SCHIP1: variants seen among roughly 807,000 people sequenced by gnomAD.
The protein encoded by SCHIP1 is schwannomin interacting protein 1.
Under a neutral mutation model 29.7 loss-of-function variants are expected in SCHIP1, and 8 were observed. The ratio of observed to expected loss-of-function variants is 0.27; its 90% CI spans 0.16 to 0.49. SCHIP1 has a LOEUF of 0.49. Among genes scored for constraint, SCHIP1 ranks in the 20% least tolerant of loss-of-function variants. SCHIP1 has a pLI of 0.99. For synonymous variants in SCHIP1, 76 were observed against 94.9 expected (o/e 0.80, Z 1.16); for missense variants, 193 against 294.6 (o/e 0.66, Z 2.52).
chr3:159,315,396 T>TC, the SCHIP1 span, among the ~76,000 whole-genome samples: 2 of 71,938 alleles, frequency 2.8e-5, no homozygotes, highest in Non-Finnish European at 4.5e-5. Context: ...TTTCTTTCTT[T>TC]TTTTTTTTTT....
chr3:159,638,203 C>T, the SCHIP1 span, among the ~76,000 whole-genome samples: 1 of 152,254 alleles, frequency 6.6e-6, no homozygotes, highest in African/African-American at 2.4e-5. Flanking sequence ...TTTCCGTGTA[C>T]CTCAATTTTT....
At chr3:159,308,871 T>C in the SCHIP1 span, among the ~76,000 whole-genome samples, 1 of 152,148 alleles carries the variant, frequency 6.6e-6, no homozygotes, top group Non-Finnish European at 1.5e-5. Flanking sequence ...GCAACATGAA[T>C]GGAGCTGGAG....
the SCHIP1 span, among the ~76,000 whole-genome samples, chr3:159,295,866 A>G: frequency 6.6e-6 from 1 of 152,214 alleles, no homozygotes; most frequent in Non-Finnish European, 1.5e-5. Flanking sequence ...TTTGAATTGA[A>G]TTCACTTGCA....
the SCHIP1 span, among the ~76,000 whole-genome samples, chr3:159,472,594 C>A: frequency 6.6e-6 from 1 of 152,146 alleles, no homozygotes; most frequent in Non-Finnish European, 1.5e-5. Context: ...TCCAATCTTT[C>A]TGTAATATTC....
At chr3:159,534,120 T>C in the SCHIP1 span, among the ~76,000 whole-genome samples, 1 of 152,220 alleles carries the variant, frequency 6.6e-6, no homozygotes, top group African/African-American at 2.4e-5. Flanking sequence ...GTACATTCTG[T>C]TTATTTCATT....
chr3:159,867,559 T>C lies in SCHIP1; in HGVS notation c.149+1278T>C, dbSNP rs138198294. Among the ~76,000 whole-genome samples, 508 of 152,294 alleles carry C rather than the reference T, an allele frequency of 3.3e-3. 4 individuals carry two copies. Among genetic ancestry groups the C allele is most frequent in the African/African-American group, 0.012 (495 of 41,550 alleles). On this transcript the variant is annotated intron_variant, in intron 2 of 6. Coordinates refer to ENST00000445224, the Ensembl canonical transcript of SCHIP1. The stretch of plus-strand genomic sequence containing the variant: ...GAGTGCCAGTTTCACCAGACAGTGT[T>C]CCAGCATCTCTTCCTCTGCTGGGTG...
the SCHIP1 span, among the ~76,000 whole-genome samples, chr3:159,293,476 G>C: frequency 6.6e-6 from 1 of 152,194 alleles, no homozygotes; most frequent in Non-Finnish European, 1.5e-5. Context: ...ATATGGGTGA[G>C]AAGGTGGTAC....
chr3:159,720,207 A>C, the SCHIP1 span, among the ~76,000 whole-genome samples: 8 of 123,592 alleles, frequency 6.5e-5, no homozygotes, highest in South Asian at 2.9e-4. Context: ...GGTGGGGAAC[A>C]TCACACACCG....
chr3:159,733,133 T>C, the SCHIP1 span, among the ~76,000 whole-genome samples: 2 of 152,180 alleles, frequency 1.3e-5, no homozygotes, highest in Non-Finnish European at 2.9e-5. Flanking sequence ...ACATCTCAGA[T>C]TTTCTGTGTC....
the SCHIP1 span, among the ~76,000 whole-genome samples, chr3:159,684,814 AAAAG>A: frequency 3.3e-5 from 5 of 151,014 alleles, no homozygotes; most frequent in East Asian, 3.9e-4. Context: ...AAAAAAAAAA[AAAAG>A]AAAGAAAGAA....
the SCHIP1 span, among the ~76,000 whole-genome samples, chr3:159,329,988 G>T: frequency 6.6e-6 from 1 of 151,966 alleles, no homozygotes; most frequent in Non-Finnish European, 1.5e-5. Context: ...ATAAAACACT[G>T]AAAAACTAAT....
chr3:159,755,166 C>T, the SCHIP1 span, among the ~76,000 whole-genome samples: 39 of 152,154 alleles, frequency 2.6e-4, no homozygotes, highest in East Asian at 3.7e-3. Flanking sequence ...ACCTGGGAGG[C>T]GGAGCTTGCA....
chr3:159,561,658 G>C, the SCHIP1 span, among the ~76,000 whole-genome samples: 1 of 152,010 alleles, frequency 6.6e-6, no homozygotes, highest in Non-Finnish European at 1.5e-5. Flanking sequence ...CTTTCATGAT[G>C]CAAATAATCC....
the SCHIP1 span, among the ~76,000 whole-genome samples, chr3:159,449,801 A>G: frequency 2.6e-5 from 4 of 152,184 alleles, no homozygotes; most frequent in Non-Finnish European, 4.4e-5. Context: ...TTGAACTTCA[A>G]TTTCCAAGTC....
At chr3:159,745,662 T>C in the SCHIP1 span, among the ~76,000 whole-genome samples, 1 of 152,250 alleles carries the variant, frequency 6.6e-6, no homozygotes, top group Admixed American at 6.5e-5. Context: ...CATTTTAAAA[T>C]TGAATTTCCT....
the SCHIP1 span, among the ~76,000 whole-genome samples, chr3:159,509,136 A>G: frequency 1.3e-5 from 2 of 152,210 alleles, no homozygotes; most frequent in Non-Finnish European, 2.9e-5. Context: ...GACTTGCTTT[A>G]TGAACCTTGG....
the SCHIP1 span, among the ~76,000 whole-genome samples, chr3:159,676,731 T>C: frequency 6.6e-6 from 1 of 152,112 alleles, no homozygotes; most frequent in Non-Finnish European, 1.5e-5. Flanking sequence ...ACTGAGCAGC[T>C]CTTCCCAAGA....
chr3:159,847,679 A>G (rs1391644084), intron 1 of SCHIP1, among the ~76,000 whole-genome samples: 1 of 152,174 alleles, frequency 6.6e-6, no homozygotes, highest in Non-Finnish European at 1.5e-5. Flanking sequence ...ATTTACAACT[A>G]TGGCCCACGA....
At chr3:159,791,236 C>A in the SCHIP1 span, among the ~76,000 whole-genome samples, 1 of 152,128 alleles carries the variant, frequency 6.6e-6, no homozygotes, top group Non-Finnish European at 1.5e-5. Context: ...AGGGGCCCAT[C>A]AGCAAATAGA....
Sources: allele counts gnomAD v4.1 joint callset (sites outside exome capture counted in the v4.1 genomes callset), GRCh38; gene constraint gnomAD v4.1.1; transcripts MANE v1.5; gene names NCBI Gene and HGNC (gene_info 2026-07-23, HGNC 2026-07-21).